Variants in PHKB observed in about 807,000 individuals in gnomAD.
PHKB encodes phosphorylase b kinase regulatory subunit beta.
A neutral mutation model predicts 152.1 loss-of-function variants in PHKB; 122 were observed. The observed-to-expected ratio is 0.80, with a 90% confidence interval of 0.69 to 0.93. PHKB has a LOEUF of 0.93. PHKB is among the 40% of genes least tolerant of loss of function. The pLI, the probability that PHKB is intolerant of heterozygous loss-of-function variation, is 0.00. For missense variants in PHKB, 1,304 were observed against 1,328.4 expected (o/e 0.98, Z 0.29); for synonymous variants, 436 against 464.9 (o/e 0.94, Z 0.80).
chr16:47,547,442 A>G lies in PHKB; in HGVS notation c.604A>G (p.Ile202Val), dbSNP rs367667135. 2.8e-5 allele frequency: 45 copies of G among 1,600,842 alleles called. No homozygotes were observed. The highest frequency in any genetic ancestry group is 2.2e-4 in the East Asian group (10 of 44,806). Reference sequence around the variant, plus strand: ...TTTCTTTTTCTTTTAGGTCTCTTTTATTCAAAACCTTGTATTTTGTGTGGA... The same window carrying G: ...TTTCTTTTTCTTTTAGGTCTCTTTTGTTCAAAACCTTGTATTTTGTGTGGA... ...IIYNTDEVSF[I>V]QNLVFCVERV... is the part of the protein sequence containing the mutation. Residue 202 changes from isoleucine to valine, a missense_variant, in exon 7 of 31, where the codon ATT becomes GTT. Ile to Val is a conservative substitution (Grantham distance 29). Transcript: ENST00000323584.
intron 8 of PHKB, among the ~76,000 whole-genome samples, chr16:47,581,620 G>A (rs1971847589): frequency 6.6e-6 from 1 of 152,320 alleles, no homozygotes; most frequent in African/African-American, 2.4e-5. Context: ...AAGTTAGTTA[G>A]CATAGTGCTT....
chr16:47,538,745 C>G (rs1286681006), intron 6 of PHKB, among the ~76,000 whole-genome samples: 1 of 152,198 alleles, frequency 6.6e-6, no homozygotes, highest in Non-Finnish European at 1.5e-5. Context: ...AAGGAAGCAC[C>G]ATTTTGAGAG....
intron 14 of PHKB, among the ~76,000 whole-genome samples, chr16:47,635,919 G>C (rs80048737): frequency 6.6e-6 from 1 of 152,350 alleles, no homozygotes; most frequent in East Asian, 1.9e-4. Context: ...GTTCGCTGTT[G>C]TTGCTACTTT....
At chr16:47,468,190 A>G (rs1477475165) in intron 1 of PHKB, among the ~76,000 whole-genome samples, 2 of 152,176 alleles carry the variant, frequency 1.3e-5, no homozygotes, top group Admixed American at 6.5e-5. Flanking sequence ...CCCTAGTCCA[A>G]GCCACTTTTA....
intron 29 of PHKB, among the ~76,000 whole-genome samples, chr16:47,697,121 G>A (rs1004307666): frequency 1.3e-5 from 2 of 152,202 alleles, no homozygotes; most frequent in African/African-American, 4.8e-5. Flanking sequence ...ACCAATTGAT[G>A]AGTTTAATAT....
intron 13 of PHKB, among the ~76,000 whole-genome samples, chr16:47,600,829 CAT>C (rs1178069241): frequency 2.0e-5 from 3 of 152,208 alleles, no homozygotes; most frequent in Non-Finnish European, 2.9e-5. Context: ...TGCATCATCA[CAT>C]GATTGTATTT....
intron 13 of PHKB, among the ~76,000 whole-genome samples, chr16:47,603,157 G>C (rs1402259409): frequency 1.3e-5 from 2 of 152,158 alleles, no homozygotes; most frequent in Non-Finnish European, 2.9e-5. Context: ...AAGGACATAA[G>C]AAACTGAGGT....
chr16:47,515,563 A>G lies in PHKB; in HGVS notation c.556A>G (p.Ile186Val). The change falls in exon 6 of 31, where the codon ATT becomes GTT. Residue 186 changes from isoleucine to valine, a missense_variant. Physicochemically the swap from Ile to Val is conservative, Grantham distance 29. Coordinates refer to ENST00000323584, the MANE Select transcript of PHKB (RefSeq NM_000293.3). ...TTATCTCCTTTACCTTGTGGAAATG[A>G]TTTCCTCAGGACTCCAGATTATCTA... ...SLYLLYLVEMISSGLQIIYNT... is the reference protein window; with the variant it reads ...SLYLLYLVEMVSSGLQIIYNT... The G allele has an allele frequency of 6.6e-7, 1 of 1,507,764 alleles. No homozygotes were observed. The highest frequency in any genetic ancestry group is 9.2e-7 in the Non-Finnish European group (1 of 1,083,498). 93.4% of individuals were successfully genotyped at this position (1,507,764 alleles called of 1,614,324 possible).
chr16:47,638,056 C>T (rs957914965), intron 14 of PHKB, among the ~76,000 whole-genome samples: 1 of 152,106 alleles, frequency 6.6e-6, no homozygotes, highest in Non-Finnish European at 1.5e-5. Context: ...ATTCCCCAGC[C>T]CCTTATCCCC....
intron 1 of PHKB, among the ~76,000 whole-genome samples, chr16:47,467,559 T>G (rs1292529259): frequency 1.3e-5 from 2 of 152,150 alleles, no homozygotes; most frequent in Non-Finnish European, 2.9e-5. Flanking sequence ...TCAGAAGCAC[T>G]CCTTAATTGT....
intron 20 of PHKB, among the ~76,000 whole-genome samples, chr16:47,658,220 A>G (rs1212109869): frequency 6.6e-6 from 1 of 152,116 alleles, no homozygotes; most frequent in Non-Finnish European, 1.5e-5. Context: ...CTCCTGCCTC[A>G]GGACCTTTGC....
At chr16:47,662,717 C>T (rs1973465364) in intron 23 of PHKB, among the ~76,000 whole-genome samples, 1 of 152,128 alleles carries the variant, frequency 6.6e-6, no homozygotes, top group Non-Finnish European at 1.5e-5. Context: ...CAGAATCTTG[C>T]ATGTTTCTAA....
intron 6 of PHKB, among the ~76,000 whole-genome samples, chr16:47,542,827 T>C (rs1356102533): frequency 1.3e-5 from 2 of 152,200 alleles, no homozygotes; most frequent in Non-Finnish European, 1.5e-5. Flanking sequence ...ATAAGAATGC[T>C]TGTGATTTTT....
chr16:47,593,992 G>A (rs1972075782), intron 11 of PHKB, 145 bp from the exon 12 acceptor site: 1 of 606,538 alleles, frequency 1.6e-6, no homozygotes, highest in Non-Finnish European at 2.9e-6. Flanking sequence ...ACACAGATTT[G>A]CATTTTTTTT....
chr16:47,549,348 G>T (rs998267734), intron 7 of PHKB, among the ~76,000 whole-genome samples: 1 of 152,118 alleles, frequency 6.6e-6, no homozygotes, highest in Non-Finnish European at 1.5e-5. Flanking sequence ...TGACCCCATT[G>T]CCATATTTTC....
chr16:47,620,754 G>C (rs761708750), intron 14 of PHKB, among the ~76,000 whole-genome samples: 15 of 152,048 alleles, frequency 9.9e-5, no homozygotes, highest in Middle Eastern at 3.2e-3. Flanking sequence ...TGTACTTGTA[G>C]TCCCAGCTAC....
At chr16:47,581,394 T>C (rs1971842702) in intron 8 of PHKB, among the ~76,000 whole-genome samples, 1 of 152,108 alleles carries the variant, frequency 6.6e-6, no homozygotes. Flanking sequence ...CCTGGATGGA[T>C]GGATGGATGG....
rs1157429796 is a variant in PHKB, at chr16:47,650,461, G to A, written c.1798-83G>A. On this transcript the variant is annotated intron_variant, in intron 18 of 30. Coordinates refer to ENST00000323584, the MANE Select transcript of PHKB (RefSeq NM_000293.3). ...AACTGTCTTGCTACATAAGAATTTT[G>A]TTGGCTCTTTGGCACTCATGGTTGA... The A allele has an allele frequency of 6.1e-6, 5 of 818,026 alleles. No individual in the cohort carries two copies. The South Asian group carries it at 6.8e-5, about 11-fold the overall frequency. The allele number at this position is 818,026 out of a possible 1,614,324, so 50.7% of individuals were successfully genotyped here.
intron 29 of PHKB, among the ~76,000 whole-genome samples, chr16:47,696,840 C>A (rs1171510990): frequency 1.3e-5 from 2 of 152,172 alleles, no homozygotes; most frequent in Non-Finnish European, 2.9e-5. Flanking sequence ...TATTCACTTT[C>A]TTTTCTATTC....
Sources: gnomAD v4.1 joint callset for allele counts (sites outside exome capture counted in the v4.1 genomes callset) on GRCh38, gnomAD v4.1.1 for gene constraint, MANE v1.5 for transcripts, NCBI Gene and HGNC (gene_info 2026-07-23, HGNC 2026-07-21) for gene names.